The following LRP2 variants were observed in gnomAD, a reference collection of about 807,000 sequenced individuals.
LRP2 encodes LDL receptor related protein 2.
In LRP2, 172 loss-of-function variants were observed where a neutral mutation model predicts 531.0. The observed-to-expected ratio is 0.32, with a 90% CI of 0.29 to 0.37. The LOEUF is 0.37. Among genes scored for constraint, LRP2 ranks in the 10% least tolerant of loss-of-function variants. The pLI is 1.00. For missense variants in LRP2, 5,167 were observed against 5,868.3 expected, an observed-to-expected ratio of 0.88 and a Z score of 3.90; for synonymous variants, 1,992 against 2,027.6, an observed-to-expected ratio of 0.98 and a Z score of 0.47.
At chr2:169,234,317 C>A (rs181936092) in intron 29 of LRP2, among the ~76,000 whole-genome samples, 2 of 152,112 alleles carry the variant, frequency 1.3e-5, no homozygotes, top group African/African-American at 4.8e-5. Context: ...CACTGACAGG[C>A]CCCGGTGTGT....
rs144322413 is a variant in LRP2, at chr2:169,185,871, C to T, written c.9477G>A (p.Met3159Ile). ...TCVDIDECTE[M>I]PFVCSQKCEN... ...CACACTTCTGGCTACAGACAAAAGG[C>T]ATCTCTGTGCATTCATCAATATCAA... Residue 3159 changes from methionine to isoleucine, a missense_variant, in exon 50 of 79, where the codon ATG (methionine) becomes ATA (isoleucine). Around this residue, in one of 6 missense-constraint regions of LRP2, gnomAD observed 1,129 missense variants for 1,362.7 expected, o/e 0.83. Coordinates refer to ENST00000649046, the MANE Select transcript of LRP2 (RefSeq NM_004525.3). 423 of 1,614,026 alleles carry T rather than the reference C, an allele frequency of 2.6e-4. No individual in the cohort carries two copies. The African/African-American group carries it at 4.7e-3, about 18-fold the overall frequency.
At chr2:169,220,244 T>C (rs919029823) in intron 34 of LRP2, among the ~76,000 whole-genome samples, 20 of 152,238 alleles carry the variant, frequency 1.3e-4, no homozygotes, top group Non-Finnish European at 1.5e-5. Context: ...TGTTGTTCAT[T>C]TGAAGACCAT....
chr2:169,263,089 T>A (rs1342321343), intron 16 of LRP2, among the ~76,000 whole-genome samples: 2 of 152,148 alleles, frequency 1.3e-5, no homozygotes, highest in East Asian at 1.9e-4. Context: ...TATACAAATA[T>A]CAATTCAAGA....
At chr2:169,293,709 G>T (rs567458209) in intron 6 of LRP2, among the ~76,000 whole-genome samples, 23 of 152,066 alleles carry the variant, frequency 1.5e-4, no homozygotes, top group Non-Finnish European at 2.9e-4. Context: ...AAACTTTCCT[G>T]ACCCTCCAAC....
At chr2:169,178,408 T>A (rs1444314263) in intron 52 of LRP2, among the ~76,000 whole-genome samples, 2 of 152,202 alleles carry the variant, frequency 1.3e-5, no homozygotes, top group African/African-American at 4.8e-5. Flanking sequence ...CATTCTTGTT[T>A]CTTCCAACAC....
intron 9 of LRP2, among the ~76,000 whole-genome samples, chr2:169,284,347 C>G (rs1312760029): frequency 7.2e-6 from 1 of 138,474 alleles, no homozygotes; most frequent in Non-Finnish European, 1.5e-5. Flanking sequence ...TCACTGCAAC[C>G]TCCGCCTCCC....
chr2:169,246,261 G>A (rs2105392540), intron 21 of LRP2, among the ~76,000 whole-genome samples: 1 of 152,114 alleles, frequency 6.6e-6, no homozygotes, highest in East Asian at 1.9e-4. Flanking sequence ...AGTTACATAT[G>A]TATACATGTG....
At chr2:169,219,602 C>T (rs1196462393) in intron 34 of LRP2, among the ~76,000 whole-genome samples, 2 of 152,112 alleles carry the variant, frequency 1.3e-5, no homozygotes, top group Non-Finnish European at 2.9e-5. Context: ...AACCAAATAC[C>T]ACATGTTCTG....
At chr2:169,129,330 T>A (rs1243192795) in intron 77 of LRP2, among the ~76,000 whole-genome samples, 8 of 152,220 alleles carry the variant, frequency 5.3e-5, no homozygotes, top group Admixed American at 5.2e-4. Context: ...AATTTATATA[T>A]TATAGAATTT....
intron 77 of LRP2, among the ~76,000 whole-genome samples, chr2:169,130,291 T>C (rs897569961): frequency 6.6e-6 from 1 of 150,680 alleles, no homozygotes; most frequent in Admixed American, 6.6e-5. Context: ...ACTGAATCTT[T>C]TTTTTTTTTT....
intron 16 of LRP2, among the ~76,000 whole-genome samples, chr2:169,264,296 C>T (rs1690703904): frequency 1.3e-5 from 2 of 151,702 alleles, no homozygotes; most frequent in South Asian, 4.2e-4. Flanking sequence ...GGTTGCTCAG[C>T]ATACGAACTT....
intron 1 of LRP2, among the ~76,000 whole-genome samples, chr2:169,328,095 T>G (rs200413172): frequency 8.5e-6 from 1 of 117,152 alleles, no homozygotes; most frequent in Non-Finnish European, 1.8e-5. Flanking sequence ...CCAGCCGCCC[T>G]GTCCAGGAGG....
chr2:169,332,675 T>C (rs1281458870), intron 1 of LRP2, among the ~76,000 whole-genome samples: 2 of 152,208 alleles, frequency 1.3e-5, no homozygotes, highest in Non-Finnish European at 2.9e-5. Flanking sequence ...TAACCTCCCA[T>C]TCTAAATGTG....
intron 67 of LRP2, 70 bp downstream of exon 67, chr2:169,152,729 C>T: frequency 1.3e-6 from 2 of 1,555,844 alleles, no homozygotes; most frequent in Admixed American, 1.7e-5. Flanking sequence ...ACTCATGGCC[C>T]ATGGAGTGCA....
At chr2:169,235,375 G>A (rs1309892989) in intron 29 of LRP2, among the ~76,000 whole-genome samples, 1 of 151,892 alleles carries the variant, frequency 6.6e-6, no homozygotes, top group East Asian at 1.9e-4. Context: ...GAATAGCTGA[G>A]ACTATAGGTG....
At chr2:169,351,302 A>G (rs551998572) in intron 1 of LRP2, among the ~76,000 whole-genome samples, 1 of 152,338 alleles carries the variant, frequency 6.6e-6, no homozygotes, top group South Asian at 2.1e-4. Context: ...AGGTAATTAC[A>G]GTGGATATAG....
At chr2:169,346,766 A>T (rs916725615) in intron 1 of LRP2, among the ~76,000 whole-genome samples, 14 of 152,226 alleles carry the variant, frequency 9.2e-5, no homozygotes, top group Non-Finnish European at 4.4e-5. Context: ...ATTAAAATCC[A>T]AGGGTCTCTT....
In LRP2 at chr2:169,173,194, G is replaced by A; in HGVS notation, c.11045C>T (p.Thr3682Ile). ...MSSAHLCDNF[T>I]EFSCKTNYRC... ...GTAATTTGTTTTGCAGCTGAATTCTGTGAAGTTGTCACAGAGATGGGCAGA... is the reference window on the plus strand; with the variant it reads ...GTAATTTGTTTTGCAGCTGAATTCTATGAAGTTGTCACAGAGATGGGCAGA... The change falls in exon 57 of 79, where the codon ACA becomes ATA. Residue 3682 changes from threonine to isoleucine, a missense_variant. Around this residue, in one of 6 missense-constraint regions of LRP2, gnomAD observed 311 missense variants for 309.4 expected, o/e 1.01. Coordinates refer to ENST00000649046, the MANE Select transcript of LRP2 (RefSeq NM_004525.3). The A allele has an allele frequency of 1.2e-6, 2 of 1,614,200 alleles. No individual in the cohort carries two copies. The highest frequency in any genetic ancestry group is 1.7e-6 in the Non-Finnish European group (2 of 1,180,038).
intron 1 of LRP2, among the ~76,000 whole-genome samples, chr2:169,334,443 G>C (rs1685348169): frequency 6.6e-6 from 1 of 152,184 alleles, no homozygotes; most frequent in South Asian, 2.1e-4. Flanking sequence ...TCAATTCTGG[G>C]TGTTGGGTAC....
Sources: allele counts gnomAD v4.1 joint callset (sites outside exome capture counted in the v4.1 genomes callset), GRCh38; gene constraint gnomAD v4.1.1; regional missense constraint gnomAD v4.1.1; transcripts MANE v1.5; gene names NCBI Gene and HGNC (gene_info 2026-07-23, HGNC 2026-07-21).